Variants in IFIH1 observed in about 807,000 individuals in gnomAD.
IFIH1 encodes the protein interferon induced with helicase C domain 1.
In IFIH1, 125 loss-of-function variants were observed where a neutral mutation model predicts 107.4. The observed-to-expected ratio is 1.16, with a 90% CI of 1.01 to 1.35. IFIH1 has a LOEUF of 1.35. Ranked by LOEUF, IFIH1 falls within the 40% of genes most tolerant of loss-of-function variation. IFIH1 has a pLI of 0.00. For synonymous variants in IFIH1, 458 were observed against 413.2 expected (o/e 1.11, Z -1.31); for missense variants, 1,333 against 1,213.7 (o/e 1.10, Z -1.46).
chr2:162,289,554 A>G (rs376277750), intron 4 of IFIH1, among the ~76,000 whole-genome samples: 5 of 151,926 alleles, frequency 3.3e-5, no homozygotes, highest in East Asian at 3.9e-4. Flanking sequence ...CAATGTTTGC[A>G]ATAAAACTAA....
chr2:162,304,349 C>T (rs1426173754), intron 3 of IFIH1, among the ~76,000 whole-genome samples: 1 of 152,118 alleles, frequency 6.6e-6, no homozygotes, highest in Admixed American at 6.5e-5. Flanking sequence ...GTGATGCCAG[C>T]TACTTGGGAG....
chr2:162,303,523 T>C (rs961928765), intron 3 of IFIH1, among the ~76,000 whole-genome samples: 4 of 152,092 alleles, frequency 2.6e-5, no homozygotes, highest in African/African-American at 9.6e-5. Flanking sequence ...GTTCACAGTA[T>C]ACAACAAGGT....
intron 1 of IFIH1, among the ~76,000 whole-genome samples, chr2:162,312,114 A>G (rs1683393865): frequency 6.6e-6 from 1 of 152,162 alleles, no homozygotes; most frequent in Non-Finnish European, 1.5e-5. Flanking sequence ...CTTTCCTACA[A>G]ATTTATGTAT....
intron 13 of IFIH1, among the ~76,000 whole-genome samples, chr2:162,269,250 A>T (rs931232343): frequency 6.6e-6 from 1 of 152,228 alleles, no homozygotes; most frequent in Non-Finnish European, 1.5e-5. Flanking sequence ...CTTAAAAATT[A>T]GATAGCTGGC....
intron 11 of IFIH1, among the ~76,000 whole-genome samples, chr2:162,274,746 T>A (rs1201750117): frequency 6.6e-6 from 1 of 152,198 alleles, no homozygotes; most frequent in East Asian, 1.9e-4. Flanking sequence ...ATATGGACAA[T>A]GTGGTTTTAT....
At chr2:162,283,049 TG>T (rs1461189712) in intron 5 of IFIH1, among the ~76,000 whole-genome samples, 1 of 151,804 alleles carries the variant, frequency 6.6e-6, no homozygotes, top group African/African-American at 2.4e-5. Flanking sequence ...TTTTTAAATT[TG>T]TAGAGCAGTG....
intron 4 of IFIH1, among the ~76,000 whole-genome samples, chr2:162,288,924 C>CACACACACACACAA (rs1306636979): frequency 2.0e-3 from 260 of 126,860 alleles, no homozygotes; most frequent in African/African-American, 0.013. Flanking sequence ...AAAGCACACA[C>CACACACACACACAA]ACACACACAC....
chr2:162,294,898 T>C lies in IFIH1; in HGVS notation c.770-1230A>G, dbSNP rs572665822. ...AATGGATGAAAAAATAGACACATAG[T>C]ATGTTTTAATAAAACTTCTCTGAAA... On this transcript the variant is annotated intron_variant, in intron 3 of 15. Transcript: ENST00000649979. 2.0e-3 allele frequency among the ~76,000 whole-genome samples: 303 copies of C among 152,056 alleles called. 5 individuals are homozygous for C. The highest frequency in any genetic ancestry group is 1.2e-3 in the East Asian group (6 of 5,168).
chr2:162,284,525 G>A (rs1467670735), intron 5 of IFIH1, among the ~76,000 whole-genome samples: 1 of 151,978 alleles, frequency 6.6e-6, no homozygotes, highest in African/African-American at 2.4e-5. Context: ...TCTAGAAGGA[G>A]GGTGCAGTGG....
At chr2:162,283,700 A>G in intron 5 of IFIH1, among the ~76,000 whole-genome samples, 1 of 152,050 alleles carries the variant, frequency 6.6e-6, no homozygotes, top group East Asian at 1.9e-4. Context: ...AGTCCCACTT[A>G]GGTGTTAAAT....
intron 8 of IFIH1, among the ~76,000 whole-genome samples, chr2:162,278,947 T>C (rs1251851077): frequency 1.3e-5 from 2 of 152,106 alleles, no homozygotes; most frequent in Non-Finnish European, 2.9e-5. Flanking sequence ...TGTTTACATA[T>C]GTGTATTCAG....
At chr2:162,276,653 A>G (rs1283101943) in intron 11 of IFIH1, 34 bp downstream of exon 11, 1 of 1,570,872 alleles carries the variant, frequency 6.4e-7, no homozygotes, top group East Asian at 2.3e-5. Context: ...AAGAGAAAGA[A>G]AAGAAAAGAA....
intron 3 of IFIH1, among the ~76,000 whole-genome samples, chr2:162,295,908 A>T (rs1273794104): frequency 6.6e-6 from 1 of 152,078 alleles, no homozygotes; most frequent in Non-Finnish European, 1.5e-5. Context: ...GAGTAATTCT[A>T]GATCTAGAAA....
intron 1 of IFIH1, among the ~76,000 whole-genome samples, chr2:162,311,542 CT>C (rs1051115320): frequency 2.6e-5 from 4 of 151,296 alleles, no homozygotes; most frequent in East Asian, 1.9e-4. Flanking sequence ...ATTGTTATAT[CT>C]TTTTTTTGGA....
intron 3 of IFIH1, among the ~76,000 whole-genome samples, chr2:162,303,107 C>A (rs1277474438): frequency 6.6e-6 from 1 of 152,062 alleles, no homozygotes; most frequent in Non-Finnish European, 1.5e-5. Context: ...TCCATGGGGG[C>A]TGAAGTCATT....
At position 162,314,500 on chromosome 2, in the gene IFIH1, T is replaced by C. The variant is rs1220063566; in HGVS notation, c.453+3355A>G. On this transcript the variant is annotated intron_variant, in intron 1 of 15. Transcript: ENST00000649979. ...TCTTTCTTTCTTTTTCTTTCTCTCT[T>C]TCTTATTAGATGGAGTCTCGCTCTG... Among the ~76,000 whole-genome samples the C allele has an allele frequency of 2.0e-5, 3 of 149,306 alleles. No homozygotes were observed. The East Asian group carries it at 6.0e-4, about 30-fold the overall frequency.
chr2:162,295,416 A>G (rs1376662627), intron 3 of IFIH1, among the ~76,000 whole-genome samples: 1 of 151,944 alleles, frequency 6.6e-6, no homozygotes, highest in African/African-American at 2.4e-5. Flanking sequence ...TTCCACTGAG[A>G]ATCTGTGACA....
chr2:162,299,422 A>C (rs1382506992), intron 3 of IFIH1, among the ~76,000 whole-genome samples: 1 of 152,172 alleles, frequency 6.6e-6, no homozygotes, highest in Non-Finnish European at 1.5e-5. Context: ...GAATACACTA[A>C]GGGTGCCCAG....
At position 162,285,990 on chromosome 2, in the gene IFIH1, T is replaced by A. The variant is rs189300887; in HGVS notation, c.1095+2145A>T. Among the ~76,000 whole-genome samples the A allele has an allele frequency of 2.7e-3, 407 of 152,078 alleles. 3 individuals are homozygous for A. The highest frequency in any genetic ancestry group is 9.5e-3 in the African/African-American group (396 of 41,536). On this transcript the variant is annotated intron_variant, in intron 5 of 15. Transcript: ENST00000649979. Reference sequence around the variant, plus strand: ...TAAGTCTGTGGATGCCAGAGGCAAATGCGGTCATAAGCTGGGTGTCATATC... The same window carrying A: ...TAAGTCTGTGGATGCCAGAGGCAAAAGCGGTCATAAGCTGGGTGTCATATC...
Sources: allele counts gnomAD v4.1 joint callset (sites outside exome capture counted in the v4.1 genomes callset), GRCh38; gene constraint gnomAD v4.1.1; transcripts MANE v1.5; gene names NCBI Gene and HGNC (gene_info 2026-07-23, HGNC 2026-07-21).